Variants in ATP12A observed in about 807,000 individuals in gnomAD.
ATP12A encodes the protein potassium-transporting ATPase alpha chain 2.
Under a neutral mutation model 111.2 loss-of-function variants are expected in ATP12A, and 81 were observed. That is an observed-to-expected ratio of 0.73 (90% CI 0.61 to 0.88). The LOEUF is 0.88. Ranked by LOEUF, ATP12A falls within the 40% of genes least tolerant of loss-of-function variation. The pLI is 0.00. For synonymous variants in ATP12A, 498 were observed against 499.8 expected (o/e 1.00, Z 0.05); for missense variants, 1,196 against 1,313.1 (o/e 0.91, Z 1.38).
chr13:24,687,148 C>A (rs1874701994), intron 3 of ATP12A, among the ~76,000 whole-genome samples: 2 of 151,960 alleles, frequency 1.3e-5, no homozygotes, highest in Admixed American at 1.3e-4. Flanking sequence ...AAGCATGAGA[C>A]CCGGGAGAGA....
chr13:24,701,006 T>C, intron 13 of ATP12A, 84 bp downstream of exon 13: 1 of 1,430,222 alleles, frequency 7.0e-7, no homozygotes, highest in East Asian at 2.3e-5. Flanking sequence ...AGATGGTCAG[T>C]ATTTAGGTGT....
Position 24,706,351 on chromosome 13 carries a change from A to C in ATP12A, c.2057A>C (p.Lys686Thr). 1 of 1,614,194 alleles carries C rather than the reference A, an allele frequency of 6.2e-7. No homozygotes were observed. The highest frequency in any genetic ancestry group is 8.5e-7 in the Non-Finnish European group (1 of 1,180,008). ...KAAVVTGMEL[K>T]DMSSEQLDEI... is the part of the protein sequence containing the mutation. ...GCTGTGGTGACTGGCATGGAGCTGA[A>C]GGACATGAGCTCAGAACAGCTGGAT... Residue 686 changes from lysine to threonine, a missense_variant, in exon 15 of 23, where the codon AAG becomes ACG. Lys to Thr is a moderately conservative substitution (Grantham distance 78). Around this residue, in one of 3 missense-constraint regions of ATP12A, gnomAD observed 1,126 missense variants for 1,228.5 expected, o/e 0.92. Transcript: ENST00000381946.
chr13:24,687,839 T>C (rs2863259), intron 3 of ATP12A, among the ~76,000 whole-genome samples: 35,539 of 152,204 alleles, frequency 0.23, 4,624 homozygotes, highest in East Asian at 0.47. Flanking sequence ...GAGCAGCTTC[T>C]TCATTCCAAG....
Position 24,685,721 on chromosome 13 carries a change from A to G in ATP12A, c.228+348A>G, listed in dbSNP as rs1874641469. ...CAAGAAGTAGAAACGCTATGCTGGGACAAAGGTGGATTCTGATGGAAGGGG... is the reference window on the plus strand; with the variant it reads ...CAAGAAGTAGAAACGCTATGCTGGGGCAAAGGTGGATTCTGATGGAAGGGG... On this transcript the variant is annotated intron_variant, in intron 3 of 22. Coordinates refer to ENST00000381946, the MANE Select transcript of ATP12A (RefSeq NM_001676.7). This position sits in a 1 kb window ranked among gnomAD's most constrained non-coding sequence, Gnocchi z 5.5. 6.6e-6 allele frequency among the ~76,000 whole-genome samples: 1 copy of G among 152,200 alleles called. No homozygotes were observed. Among genetic ancestry groups the G allele is most frequent in the Non-Finnish European group, 1.5e-5 (1 of 68,030 alleles).
Position 24,711,768 on chromosome 13 carries a change from A to C in ATP12A, c.*246A>C, listed in dbSNP as rs2137727949. ...CTCATTAAAAAATACGTACATTTCG[A>C]GGTAATGGTATAGGGAAGAATGTGT... is the stretch of plus-strand genomic sequence containing the variant. On this transcript the variant is annotated 3_prime_UTR_variant, in exon 23 of 23. Coordinates refer to ENST00000381946, the MANE Select transcript of ATP12A (RefSeq NM_001676.7). 1.7e-6 allele frequency: 1 copy of C among 576,868 alleles called. No homozygotes were observed. The highest frequency in any genetic ancestry group is 1.9e-5 in the African/African-American group (1 of 53,456). The allele number at this position is 576,868 out of a possible 1,614,324, so 35.7% of individuals were successfully genotyped here.
At chr13:24,699,736 G>C (rs1349543699) in intron 12 of ATP12A, among the ~76,000 whole-genome samples, 1 of 152,344 alleles carries the variant, frequency 6.6e-6, no homozygotes, top group Admixed American at 6.5e-5. Flanking sequence ...AAAGGGGACA[G>C]TGTGTCCTGT....
At position 24,688,414 on chromosome 13, in the gene ATP12A, C is replaced by T. The variant is rs1874749060; in HGVS notation, c.324C>T (p.Leu108=). ...AGACGCCTGAGATCGTCAAGTTCCT[C>T]AAGCAGATGGTGGGGGGGTTCTCTA... ...PKQTPEIVKF[L]KQMVGGFSIL... is the part of the protein sequence containing the mutation. The change falls in exon 4 of 23, where the codon CTC becomes CTT. Residue 108 remains leucine (L), a synonymous_variant. Transcript: ENST00000381946. The T allele has an allele frequency of 1.9e-6, 3 of 1,614,074 alleles. No individual in the cohort carries two copies. Among genetic ancestry groups the T allele is most frequent in the African/African-American group, 1.3e-5 (1 of 74,938 alleles).
intron 7 of ATP12A, 121 bp from the exon 8 acceptor site, chr13:24,690,861 G>A (rs1040431892): frequency 4.1e-6 from 6 of 1,477,936 alleles, no homozygotes; most frequent in Middle Eastern, 2.0e-4. Context: ...AGAGGACGAT[G>A]CTTGGCCTTG....
chr13:24,698,722 C>T lies in ATP12A; in HGVS notation c.1577C>T (p.Pro526Leu). 6 of 1,614,004 alleles carry T rather than the reference C, an allele frequency of 3.7e-6. No individual in the cohort carries two copies. The highest frequency in any genetic ancestry group is 5.1e-6 in the Non-Finnish European group (6 of 1,179,970). ...TTCCTCATGGTGATGAAGGGGGCCC[C>T]TGAGCGCATCCTAGAGAAATGCAGC... ...KRFLMVMKGA[P>L]ERILEKCSTI... The change falls in exon 12 of 23, where the codon CCT becomes CTT. Residue 526 changes from proline (P) to leucine (L), a missense_variant. Around this residue, in one of 3 missense-constraint regions of ATP12A, gnomAD observed 1,126 missense variants for 1,228.5 expected, o/e 0.92. Coordinates refer to ENST00000381946, the MANE Select transcript of ATP12A (RefSeq NM_001676.7).
At chr13:24,688,276 G>C (rs766009636) in intron 3 of ATP12A, 43 bp from the exon 4 acceptor site, 2 of 1,565,358 alleles carry the variant, frequency 1.3e-6, no homozygotes, top group East Asian at 4.7e-5. Flanking sequence ...TGTCTAATTC[G>C]TATTTGTTTT....
intron 17 of ATP12A, among the ~76,000 whole-genome samples, chr13:24,708,907 A>AAGAAAGAG (rs1409074126): frequency 1.1e-5 from 1 of 93,216 alleles, no homozygotes; most frequent in Non-Finnish European, 2.2e-5. Flanking sequence ...AAAGGAAAGA[A>AAGAAAGAG]AGAAAGAAAG....
In ATP12A at chr13:24,710,433, G is replaced by A. The variant is rs371214201; in HGVS notation, c.2764-27G>A. ...TAGAAGTTTTCCTTTAGGCCTCAAG[G>A]TCTCTTCCTTCTCTGCCCATTAACA... On this transcript the variant is annotated intron_variant, in intron 19 of 22. Transcript: ENST00000381946. 18 of 1,612,026 alleles carry A rather than the reference G, an allele frequency of 1.1e-5. No homozygotes were observed. In the African/African-American group the frequency reaches 2.3e-4, roughly 20 times the overall value.
At chr13:24,696,866 G>A (rs1246023857) in intron 11 of ATP12A, among the ~76,000 whole-genome samples, 2 of 152,038 alleles carry the variant, frequency 1.3e-5, no homozygotes, top group Non-Finnish European at 2.9e-5. Flanking sequence ...GGCTTTAGAT[G>A]TCATGGCCTT....
intron 10 of ATP12A, 120 bp downstream of exon 10, chr13:24,693,016 A>G: frequency 1.1e-6 from 1 of 891,570 alleles, no homozygotes; most frequent in Non-Finnish European, 1.7e-6. Flanking sequence ...TGCTTGCAAG[A>G]GCAAGTCAGA....
At chr13:24,710,972 T>C (rs1875943101) in intron 21 of ATP12A, 79 bp downstream of exon 21, 3 of 1,282,210 alleles carry the variant, frequency 2.3e-6, no homozygotes, top group Non-Finnish European at 1.1e-6. Flanking sequence ...ACCTGAGGAT[T>C]CCCAGGGTTC....
At chr13:24,698,173 A>G (rs933851534) in intron 11 of ATP12A, among the ~76,000 whole-genome samples, 1 of 151,956 alleles carries the variant, frequency 6.6e-6, no homozygotes, top group Non-Finnish European at 1.5e-5. Context: ...ACTTCCTCAC[A>G]CCCCGCCATT....
intron 10 of ATP12A, 111 bp from the exon 11 acceptor site, chr13:24,694,333 C>A: frequency 1.5e-6 from 2 of 1,369,874 alleles, no homozygotes; most frequent in Non-Finnish European, 2.0e-6. Context: ...GTGATAATGT[C>A]TCTCCAGCTA....
At chr13:24,708,416 A>G (rs1355586109) in intron 17 of ATP12A, among the ~76,000 whole-genome samples, 1 of 152,068 alleles carries the variant, frequency 6.6e-6, no homozygotes, top group Non-Finnish European at 1.5e-5. Context: ...GTTTTCTACA[A>G]CACCCAGGTA....
chr13:24,706,306 C>G lies in ATP12A; in HGVS notation c.2019-7C>G. ...GGGCCTCACCCAGTTTCTTCTGGCC[C>G]TTCTAGGGATGCCAAGGCCGCTGTG... On this transcript the variant is annotated splice_polypyrimidine_tract_variant and splice_region_variant and intron_variant, in intron 14 of 22. Coordinates refer to ENST00000381946, the MANE Select transcript of ATP12A (RefSeq NM_001676.7). The G allele has an allele frequency of 3.7e-6, 6 of 1,613,482 alleles. No homozygotes were observed. Among genetic ancestry groups the G allele is most frequent in the Non-Finnish European group, 4.2e-6 (5 of 1,179,622 alleles).
Sources: allele counts gnomAD v4.1 joint callset (sites outside exome capture counted in the v4.1 genomes callset), GRCh38; gene constraint gnomAD v4.1.1; regional missense constraint gnomAD v4.1.1; non-coding constraint Gnocchi (gnomAD v3.1); transcripts MANE v1.5; gene names NCBI Gene and HGNC (gene_info 2026-07-23, HGNC 2026-07-21).